The following ZEB1 variants were observed in gnomAD, a reference collection of about 807,000 sequenced individuals.
ZEB1 encodes zinc finger E-box-binding homeobox 1.
Under a neutral mutation model 84.9 loss-of-function variants are expected in ZEB1, and 21 were observed. That is an observed-to-expected ratio of 0.25 (90% CI 0.18 to 0.36). The LOEUF (loss-of-function observed/expected upper bound fraction) is 0.36, where lower values mean the gene tolerates loss of function less well. ZEB1 is among the 10% of genes least tolerant of loss of function. ZEB1 has a pLI of 1.00. For missense variants in ZEB1, 1,104 were observed against 1,330.2 expected (o/e 0.83, Z 2.65); for synonymous variants, 420 against 471.1 (o/e 0.89, Z 1.41).
At chr10:31,403,469 T>A (rs1009744798) in intron 1 of ZEB1, among the ~76,000 whole-genome samples, 5 of 151,974 alleles carry the variant, frequency 3.3e-5, no homozygotes, top group African/African-American at 1.2e-4. Flanking sequence ...TTCTGGCAGA[T>A]TAAAACATCT....
intron 1 of ZEB1, among the ~76,000 whole-genome samples, chr10:31,352,716 A>C (rs2041514742): frequency 6.6e-6 from 1 of 152,110 alleles, no homozygotes; most frequent in Admixed American, 6.5e-5. Flanking sequence ...GCTTGCTTAC[A>C]ACATGGTAGC....
In ZEB1 at chr10:31,473,842, G is replaced by C. The variant is rs1450469024; in HGVS notation, c.259+12605G>C. Among the ~76,000 whole-genome samples, 4 of 150,306 alleles carry C rather than the reference G, an allele frequency of 2.7e-5. No individual in the cohort carries two copies. In the South Asian group the frequency reaches 8.6e-4, roughly 32 times the overall value. Reference sequence around the variant, plus strand: ...AGGCTACAGTAACCAAAACAGCATGGTACTGGTACCAAAACAGAGATATAG... The same window carrying C: ...AGGCTACAGTAACCAAAACAGCATGCTACTGGTACCAAAACAGAGATATAG... On this transcript the variant is annotated intron_variant, in intron 2 of 8. Coordinates refer to ENST00000424869, the MANE Select transcript of ZEB1 (RefSeq NM_001174096.2).
chr10:31,331,077 C>CTTTTTTT (rs1238584690), intron 1 of ZEB1, among the ~76,000 whole-genome samples: 9 of 89,062 alleles, frequency 1.0e-4, no homozygotes, highest in African/African-American at 3.8e-4. Context: ...TTTTTTCTTT[C>CTTTTTTT]TTTCTTTTTT....
chr10:31,319,531 T>C (rs2033133636), intron 1 of ZEB1: 1 of 512,792 alleles, frequency 2.0e-6, no homozygotes. Context: ...TCTCTCCGCC[T>C]AGCGGCTCCC....
At chr10:31,445,312 T>C (rs926448066) in intron 1 of ZEB1, among the ~76,000 whole-genome samples, 7 of 149,640 alleles carry the variant, frequency 4.7e-5, no homozygotes, top group South Asian at 2.1e-4. Flanking sequence ...AAGGAGATTT[T>C]GGGCTGAGAC....
intron 1 of ZEB1, among the ~76,000 whole-genome samples, chr10:31,423,213 T>C (rs1056057150): frequency 6.6e-6 from 1 of 152,132 alleles, no homozygotes; most frequent in Non-Finnish European, 1.5e-5. Flanking sequence ...TTCTGGAATG[T>C]GGGCAAATTA....
chr10:31,408,324 G>A (rs879659903), intron 1 of ZEB1, among the ~76,000 whole-genome samples: 11 of 150,930 alleles, frequency 7.3e-5, no homozygotes, highest in Non-Finnish European at 1.2e-4. Flanking sequence ...ACTGCCCAAG[G>A]TAATTTACAG....
intron 1 of ZEB1, among the ~76,000 whole-genome samples, chr10:31,411,535 T>C (rs902759289): frequency 6.7e-6 from 1 of 150,098 alleles, no homozygotes; most frequent in Non-Finnish European, 1.5e-5. Flanking sequence ...GGGAGGCTGA[T>C]GCAGGAGAAT....
Position 31,521,663 on chromosome 10 carries a change from G to A in ZEB1, c.2331G>A (p.Glu777=), listed in dbSNP as rs2072408085. 2 of 1,613,974 alleles carry A rather than the reference G, an allele frequency of 1.2e-6. No homozygotes were observed. The highest frequency in any genetic ancestry group is 1.3e-5 in the African/African-American group (1 of 74,908). ...TGAACTTGTCTTGCGCAAAAAAGGA[G>A]CCACAAAAGGACAGTTGTGTTACAG... The part of the protein sequence containing the change: ...EPLNLSCAKK[E]PQKDSCVTDS... The change falls in exon 7 of 9, where the codon GAG becomes GAA. Residue 777 remains glutamate (E), a synonymous_variant. Transcript: ENST00000424869.
chr10:31,417,654 A>G (rs553222047), intron 1 of ZEB1, among the ~76,000 whole-genome samples: 3 of 152,148 alleles, frequency 2.0e-5, no homozygotes, highest in Middle Eastern at 3.2e-3. Context: ...ACTGTCTTCC[A>G]TATTTCCTGA....
chr10:31,475,360 G>A (rs1392954666), intron 2 of ZEB1, among the ~76,000 whole-genome samples: 1 of 152,066 alleles, frequency 6.6e-6, no homozygotes, highest in African/African-American at 2.4e-5. Context: ...AAAGTAGAAA[G>A]CTTGGAAAAA....
At chr10:31,399,732 C>T (rs536085403) in intron 1 of ZEB1, among the ~76,000 whole-genome samples, 7 of 152,272 alleles carry the variant, frequency 4.6e-5, no homozygotes, top group Non-Finnish European at 7.3e-5. Context: ...CCTCCATTGA[C>T]TTTTCATCTC....
chr10:31,455,188 G>T (rs2061054568), intron 1 of ZEB1, among the ~76,000 whole-genome samples: 1 of 152,174 alleles, frequency 6.6e-6, no homozygotes, highest in Non-Finnish European at 1.5e-5. Context: ...AATAAATGGT[G>T]TTGGGAAAAC....
chr10:31,353,485 T>C (rs1328661993), intron 1 of ZEB1, among the ~76,000 whole-genome samples: 1 of 152,208 alleles, frequency 6.6e-6, no homozygotes, highest in Non-Finnish European at 1.5e-5. Context: ...CTATTTGCCA[T>C]AGTTCTACAT....
In ZEB1 at chr10:31,528,948, C is replaced by G. The variant is rs1834643199; in HGVS notation, c.*1684C>G. The G allele has an allele frequency of 1.3e-5, 2 of 152,190 alleles. No homozygotes were observed. The highest frequency in any genetic ancestry group is 4.8e-5 in the African/African-American group (2 of 41,464). The allele number at this position is 152,190 out of a possible 1,614,324, so 9.4% of individuals were successfully genotyped here. A position where few individuals can be genotyped will look rare whatever the true frequency, so the allele number is the denominator to read the frequency against. ...TTGAAATTCACTGTGTGACTAATAG[C>G]ATGATGCTCTGCAGTTTTATTAAGA... On this transcript the variant is annotated 3_prime_UTR_variant, in exon 9 of 9. Transcript: ENST00000424869.
At chr10:31,437,905 C>T (rs999470721) in intron 1 of ZEB1, among the ~76,000 whole-genome samples, 21 of 152,292 alleles carry the variant, frequency 1.4e-4, no homozygotes, top group African/African-American at 5.1e-4. Flanking sequence ...ACCAGTTCTG[C>T]TACTAATCGA....
rs1234752034 is a variant in ZEB1 at position 31,527,018 on chromosome 10, G to A, written c.3132G>A (p.Glu1044=). 1.9e-6 allele frequency: 3 copies of A among 1,597,226 alleles called. No individual in the cohort carries two copies. Among genetic ancestry groups the A allele is most frequent in the Admixed American group, 1.7e-5 (1 of 57,276 alleles). Reference sequence around the variant, plus strand: ...ACAGTGAAAAAGAGGAAGAGGAGGAGGATAAAGAGATGGAAGAATTGCAGG... The same window carrying A: ...ACAGTGAAAAAGAGGAAGAGGAGGAAGATAAAGAGATGGAAGAATTGCAGG... ...DEDSEKEEEE[E]DKEMEELQEE... The change falls in exon 9 of 9, where the codon GAG becomes GAA. Residue 1044 remains glutamate, a synonymous_variant. Coordinates refer to ENST00000424869, the MANE Select transcript of ZEB1 (RefSeq NM_001174096.2).
chr10:31,480,804 A>T (rs899308430), intron 2 of ZEB1, among the ~76,000 whole-genome samples: 1 of 152,114 alleles, frequency 6.6e-6, no homozygotes, highest in Non-Finnish European at 1.5e-5. Context: ...GCCTTATAAT[A>T]GGTAGTCATT....
In ZEB1 at chr10:31,484,471, T is replaced by G. The variant is rs1009092687; in HGVS notation, c.260-11305T>G. ...AGGTTACTTAGCCCTATTTTATGGA[T>G]GAGAAAAAATAAGTACAAAAGACAT... On this transcript the variant is annotated intron_variant, in intron 2 of 8. Transcript: ENST00000424869. Among the ~76,000 whole-genome samples, 85 of 151,970 alleles carry G rather than the reference T, an allele frequency of 5.6e-4. 4 individuals carry two copies. The highest frequency in any genetic ancestry group is 4.4e-5 in the Non-Finnish European group (3 of 67,936).
Sources: allele counts gnomAD v4.1 joint callset (sites outside exome capture counted in the v4.1 genomes callset), GRCh38; gene constraint gnomAD v4.1.1; transcripts MANE v1.5; gene names NCBI Gene and HGNC (gene_info 2026-07-23, HGNC 2026-07-21).